Variants in GALNT7 observed in about 807,000 individuals in gnomAD.
The protein encoded by GALNT7 is polypeptide N-acetylgalactosaminyltransferase 7, also known as N-acetylgalactosaminyltransferase 7.
In GALNT7, 60 loss-of-function variants were observed where a neutral mutation model predicts 82.1. That is an observed-to-expected ratio of 0.73 (90% CI 0.59 to 0.91). The LOEUF (loss-of-function observed/expected upper bound fraction) is 0.91. Ranked by LOEUF, GALNT7 falls within the 40% of genes least tolerant of loss-of-function variation. The probability of loss-of-function intolerance (pLI) is 0.00; values close to 1 mark genes in which losing one functional copy is unlikely to be tolerated. For synonymous variants in GALNT7, 243 were observed against 275.1 expected (o/e 0.88, Z 1.15); for missense variants, 660 against 804.2 (o/e 0.82, Z 2.17).
At chr4:173,264,957 A>G (rs115279751) in intron 2 of GALNT7, among the ~76,000 whole-genome samples, 2,190 of 152,314 alleles carry the variant, frequency 0.014, 33 homozygotes, top group Middle Eastern at 0.034. Flanking sequence ...TGTGGCATCT[A>G]TTTACTTGGC....
At chr4:173,283,701 G>A (rs1736207135) in intron 2 of GALNT7, among the ~76,000 whole-genome samples, 1 of 152,032 alleles carries the variant, frequency 6.6e-6, no homozygotes, top group South Asian at 2.1e-4. Context: ...CTGTACAGGG[G>A]CTGTGTAGAC....
intron 1 of GALNT7, among the ~76,000 whole-genome samples, chr4:173,188,408 G>C (rs1301750951): frequency 1.3e-5 from 2 of 152,188 alleles, no homozygotes; most frequent in Admixed American, 6.5e-5. Context: ...TTTTGGGCCA[G>C]TAAGGTTGAT....
chr4:173,194,803 C>G (rs1732729089), intron 1 of GALNT7, among the ~76,000 whole-genome samples: 1 of 152,066 alleles, frequency 6.6e-6, no homozygotes, highest in Admixed American at 6.6e-5. Flanking sequence ...CCCCACCCCA[C>G]AACAGGCCCC....
intron 6 of GALNT7, 57 bp from the exon 7 acceptor site, chr4:173,301,987 TTGG>T: frequency 1.3e-6 from 1 of 788,990 alleles, no homozygotes; most frequent in Non-Finnish European, 2.2e-6. Flanking sequence ...TTCTTGCCTA[TTGG>T]TGAAGGGTTA....
chr4:173,269,159 C>T (rs59610063), intron 2 of GALNT7, among the ~76,000 whole-genome samples: 11,395 of 152,034 alleles, frequency 0.075, 893 homozygotes, highest in African/African-American at 0.2. Flanking sequence ...AACAGAGGCA[C>T]AGAACAAAAC....
At chr4:173,298,368 T>A in intron 6 of GALNT7, 71 bp downstream of exon 6, 1 of 979,926 alleles carries the variant, frequency 1.0e-6, no homozygotes, top group Non-Finnish European at 1.5e-6. Flanking sequence ...CTTGCCAAGC[T>A]AAAGATTCGT....
At chr4:173,296,908 C>G (rs1473468529) in intron 5 of GALNT7, among the ~76,000 whole-genome samples, 3 of 152,160 alleles carry the variant, frequency 2.0e-5, no homozygotes. Flanking sequence ...TTTACTTCCT[C>G]CATATTAAAG....
intron 2 of GALNT7, among the ~76,000 whole-genome samples, chr4:173,276,219 A>G (rs1257144092): frequency 2.6e-5 from 4 of 152,232 alleles, no homozygotes; most frequent in Admixed American, 2.6e-4. Context: ...TTTTGGAATC[A>G]AATCAACAAG....
chr4:173,313,551 A>T (rs1375473528), intron 8 of GALNT7, among the ~76,000 whole-genome samples: 1 of 150,712 alleles, frequency 6.6e-6, no homozygotes, highest in African/African-American at 2.5e-5. Flanking sequence ...AGCCTGAATG[A>T]CAGAGCAAGA....
chr4:173,192,013 A>T (rs887925980), intron 1 of GALNT7, among the ~76,000 whole-genome samples: 9 of 152,216 alleles, frequency 5.9e-5, no homozygotes, highest in Non-Finnish European at 7.3e-5. Context: ...AATAAAATGA[A>T]TCATACCTGG....
At chr4:173,171,592 C>G (rs1368675764) in intron 1 of GALNT7, among the ~76,000 whole-genome samples, 3 of 152,232 alleles carry the variant, frequency 2.0e-5, no homozygotes, top group African/African-American at 7.2e-5. Context: ...TTAGGTCTGT[C>G]CACCTGTGGA....
chr4:173,180,396 C>T (rs768779023), intron 1 of GALNT7, among the ~76,000 whole-genome samples: 1 of 143,040 alleles, frequency 7.0e-6, no homozygotes, highest in South Asian at 2.3e-4. Context: ...GGCACAATCT[C>T]GACTCACTGC....
At chr4:173,304,481 A>G (rs1325676277) in intron 8 of GALNT7, among the ~76,000 whole-genome samples, 1 of 151,922 alleles carries the variant, frequency 6.6e-6, no homozygotes, top group African/African-American at 2.4e-5. Context: ...ATGTTTTGAT[A>G]TATGTATACA....
chr4:173,169,116 G>A, intron 1 of GALNT7, 155 bp downstream of exon 1: 2 of 482,448 alleles, frequency 4.1e-6, no homozygotes, highest in Non-Finnish European at 6.3e-6. Context: ...AGGGGGTGCC[G>A]AGCCCCGCGC....
At chr4:173,209,675 T>C (rs1733208436) in intron 1 of GALNT7, among the ~76,000 whole-genome samples, 1 of 152,204 alleles carries the variant, frequency 6.6e-6, no homozygotes, top group South Asian at 2.1e-4. Flanking sequence ...ACTGCCTCCC[T>C]CAGGAATGTG....
intron 1 of GALNT7, 84 bp downstream of exon 1, chr4:173,169,045 G>A (rs1193518766): frequency 6.4e-6 from 9 of 1,413,620 alleles, no homozygotes; most frequent in Non-Finnish European, 8.7e-6. Context: ...CAGGGGCGGC[G>A]GGGTCGCGGC....
intron 2 of GALNT7, among the ~76,000 whole-genome samples, chr4:173,269,131 T>C (rs1245603785): frequency 6.6e-6 from 1 of 152,138 alleles, no homozygotes; most frequent in African/African-American, 2.4e-5. Flanking sequence ...GCATGTCTTA[T>C]TATAGGGGCA....
intron 1 of GALNT7, among the ~76,000 whole-genome samples, chr4:173,233,578 GATTA>G (rs1734112656): frequency 6.6e-6 from 1 of 152,144 alleles, no homozygotes; most frequent in Non-Finnish European, 1.5e-5. Context: ...GACACTGTTG[GATTA>G]ATTCAGACTG....
At chr4:173,250,188 T>A (rs925414664) in intron 2 of GALNT7, among the ~76,000 whole-genome samples, 3 of 152,090 alleles carry the variant, frequency 2.0e-5, no homozygotes, top group Admixed American at 6.6e-5. Context: ...CCCCTTTGTC[T>A]CCATCACTGC....
Sources: allele counts gnomAD v4.1 joint callset (sites outside exome capture counted in the v4.1 genomes callset), GRCh38; gene constraint gnomAD v4.1.1; transcripts MANE v1.5; gene names NCBI Gene and HGNC (gene_info 2026-07-23, HGNC 2026-07-21).